The following ATP9B variants were observed in gnomAD, a reference collection of about 807,000 sequenced individuals.
The protein encoded by ATP9B is probable phospholipid-transporting ATPase IIB.
In ATP9B, 110 loss-of-function variants were observed where a neutral mutation model predicts 146.1. The observed-to-expected ratio is 0.75, with a 90% CI of 0.65 to 0.88. ATP9B has a LOEUF of 0.88. Among genes scored for constraint, ATP9B ranks in the 40% least tolerant of loss-of-function variants. The pLI is 0.00. For synonymous variants in ATP9B, 604 were observed against 569.7 expected (o/e 1.06, Z -0.86); for missense variants, 1,499 against 1,496.4 (o/e 1.00, Z -0.03).
intron 25 of ATP9B, chr18:79,353,716 G>A (rs2096934771): frequency 6.6e-6 from 1 of 152,216 alleles, no homozygotes; most frequent in African/African-American, 2.4e-5. Context: ...TCCGTGTCAT[G>A]GTCACACGGC....
At chr18:79,269,099 T>C (rs1175720303) in intron 12 of ATP9B, among the ~76,000 whole-genome samples, 1 of 152,204 alleles carries the variant, frequency 6.6e-6, no homozygotes. Context: ...ATTCTTTTAT[T>C]CATTCTAGAA....
intron 8 of ATP9B, among the ~76,000 whole-genome samples, chr18:79,185,543 C>T (rs1370127413): frequency 6.6e-6 from 1 of 152,064 alleles, no homozygotes; most frequent in African/African-American, 2.4e-5. Flanking sequence ...GTTACCACAC[C>T]ACCAAAAAGC....
At chr18:79,327,851 T>C (rs1296560169) in intron 15 of ATP9B, among the ~76,000 whole-genome samples, 4 of 50,138 alleles carry the variant, frequency 8.0e-5, no homozygotes, top group African/African-American at 2.9e-4. Context: ...GTTAGCGTGC[T>C]CTCCATGGTT....
chr18:79,345,178 T>A (rs2096879675), intron 21 of ATP9B, among the ~76,000 whole-genome samples: 1 of 152,170 alleles, frequency 6.6e-6, no homozygotes, highest in Non-Finnish European at 1.5e-5. Flanking sequence ...GAGGATTCTC[T>A]CTGGTACTTC....
intron 11 of ATP9B, among the ~76,000 whole-genome samples, chr18:79,229,487 G>T (rs981971874): frequency 6.6e-6 from 1 of 152,186 alleles, no homozygotes. Flanking sequence ...TTTCATAATG[G>T]ATCAATTTAA....
intron 1 of ATP9B, among the ~76,000 whole-genome samples, chr18:79,090,086 A>G (rs2074194130): frequency 6.6e-6 from 1 of 152,100 alleles, no homozygotes; most frequent in Admixed American, 6.6e-5. Context: ...ATTGATGTTG[A>G]TGTAAATGAC....
chr18:79,367,070 C>A (rs2097034852), intron 26 of ATP9B, among the ~76,000 whole-genome samples: 1 of 149,342 alleles, frequency 6.7e-6, no homozygotes, highest in African/African-American at 2.5e-5. Context: ...ATATCTTCAC[C>A]TCCACCGTGT....
At chr18:79,152,738 A>G (rs550707407) in intron 6 of ATP9B, among the ~76,000 whole-genome samples, 4 of 152,296 alleles carry the variant, frequency 2.6e-5, no homozygotes, top group Non-Finnish European at 5.9e-5. Context: ...AGTCGAGGTC[A>G]GGTGTCGTCT....
At chr18:79,109,559 GCTGT>G (rs1386739844) in intron 2 of ATP9B, among the ~76,000 whole-genome samples, 7 of 148,866 alleles carry the variant, frequency 4.7e-5, no homozygotes, top group South Asian at 2.1e-4. Context: ...ATTGGATTGA[GCTGT>G]CTTTTTTTTT....
chr18:79,363,061 T>A (rs1214410067), intron 26 of ATP9B: 1 of 85,288 alleles, frequency 1.2e-5, no homozygotes, highest in African/African-American at 7.1e-5. Context: ...ATATCTCTGT[T>A]TGTGGATGCT....
intron 27 of ATP9B, among the ~76,000 whole-genome samples, chr18:79,373,233 C>G (rs1217944540): frequency 6.6e-6 from 1 of 151,990 alleles, no homozygotes; most frequent in African/African-American, 2.4e-5. Flanking sequence ...CATTAGCTGC[C>G]CTTTGTTTAG....
In ATP9B at chr18:79,359,419, A is replaced by C. The variant is rs1600361222; in HGVS notation, c.2969A>C (p.Glu990Ala). The change falls in exon 26 of 30, where the codon GAG becomes GCG. Residue 990 changes from glutamate to alanine, a missense_variant. Coordinates refer to ENST00000426216, the MANE Select transcript of ATP9B (RefSeq NM_198531.5). ...GTGCTGGACCAGGACGTGAAGCCAGAGATGGCGATGCTCTACCCGGAGCTG... is the reference window on the plus strand; with the variant it reads ...GTGCTGGACCAGGACGTGAAGCCAGCGATGGCGATGCTCTACCCGGAGCTG... ...SLVLDQDVKP[E>A]MAMLYPELYK... 1 of 1,614,034 alleles carries C rather than the reference A, an allele frequency of 6.2e-7. No homozygotes were observed. The highest frequency in any genetic ancestry group is 1.3e-5 in the African/African-American group (1 of 75,044).
Position 79,239,926 on chromosome 18 carries a change from G to A in ATP9B, c.1108-13455G>A, listed in dbSNP as rs1371420075. ...GAGCGGAGAGGCTTGCTCTGCCTGCGTCCCCATCAGCGGTGACCAGCAGAT... is the reference window on the plus strand; with the variant it reads ...GAGCGGAGAGGCTTGCTCTGCCTGCATCCCCATCAGCGGTGACCAGCAGAT... On this transcript the variant is annotated intron_variant, in intron 11 of 29. Coordinates refer to ENST00000426216, the MANE Select transcript of ATP9B (RefSeq NM_198531.5). This position sits in a 1 kb window ranked among gnomAD's most constrained non-coding sequence, Gnocchi z 5.1. Among the ~76,000 whole-genome samples the A allele has an allele frequency of 2.0e-5, 3 of 152,162 alleles. No homozygotes were observed. The highest frequency in any genetic ancestry group is 4.4e-5 in the Non-Finnish European group (3 of 68,036).
rs200318856 is a variant in ATP9B at position 79,096,620 on chromosome 18, C to T, written c.264C>T (p.Val88=). ...GGAAAAGAGGACTGGAGTGGTTTGT[C>T]TGTGATGGCTGGAAGTTCCTCTGTA... ...MQRKRGLEWF[V]CDGWKFLCTS... is the part of the protein sequence containing the mutation. The change falls in exon 2 of 30, where the codon GTC becomes GTT. Residue 88 remains valine (V), a synonymous_variant. Transcript: ENST00000426216. The T allele has an allele frequency of 6.2e-7, 1 of 1,613,668 alleles. No homozygotes were observed. The highest frequency in any genetic ancestry group is 1.3e-5 in the African/African-American group (1 of 75,030).
chr18:79,154,397 A>C lies in ATP9B; in HGVS notation c.727-107A>C, dbSNP rs939623423. ...TGTTAGTTATTTCAGCACAATTTTA[A>C]TTATATTATCTTAGTTGTTTTCATA... On this transcript the variant is annotated intron_variant, in intron 6 of 29. Transcript: ENST00000426216. 10 of 742,924 alleles carry C rather than the reference A, an allele frequency of 1.3e-5. No individual in the cohort carries two copies. In the African/African-American group the frequency reaches 1.9e-4, roughly 14 times the overall value. 46.0% of individuals were successfully genotyped at this position (742,924 alleles called of 1,614,324 possible).
intron 17 of ATP9B, among the ~76,000 whole-genome samples, chr18:79,332,347 T>G (rs527840274): frequency 3.3e-5 from 5 of 152,266 alleles, no homozygotes; most frequent in South Asian, 2.1e-4. Flanking sequence ...GAGAATGGCG[T>G]GAACCCGGGA....
intron 26 of ATP9B, chr18:79,360,181 A>C (rs1384521332): frequency 2.6e-5 from 4 of 152,262 alleles, no homozygotes; most frequent in African/African-American, 9.6e-5. Flanking sequence ...AGAGAGGCTC[A>C]GCTCTGCAGA....
chr18:79,091,115 T>C (rs754700992), intron 1 of ATP9B, among the ~76,000 whole-genome samples: 3 of 152,146 alleles, frequency 2.0e-5, no homozygotes, highest in Admixed American at 6.5e-5. Context: ...TGTTTCTGGG[T>C]TCTCTATTCT....
intron 23 of ATP9B, 60 bp downstream of exon 23, chr18:79,345,899 G>C (rs1226752708): frequency 7.6e-6 from 12 of 1,578,024 alleles, no homozygotes; most frequent in Non-Finnish European, 1.0e-5. Context: ...ACACGACTCA[G>C]CACATGCTGG....
Sources: allele counts gnomAD v4.1 joint callset (sites outside exome capture counted in the v4.1 genomes callset), GRCh38; gene constraint gnomAD v4.1.1; non-coding constraint Gnocchi (gnomAD v3.1); transcripts MANE v1.5; gene names NCBI Gene and HGNC (gene_info 2026-07-23, HGNC 2026-07-21).